The following FAAP20 variants were observed in gnomAD, a reference collection of about 807,000 sequenced individuals.
The protein encoded by FAAP20 is Fanconi anemia core complex-associated protein 20.
A neutral mutation model predicts 16.2 loss-of-function variants in FAAP20; 12 were observed. The observed-to-expected ratio is 0.74, with a 90% CI of 0.48 to 1.20. The LOEUF (loss-of-function observed/expected upper bound fraction) is 1.20. Among genes scored for constraint, FAAP20 ranks in the 50% most tolerant of loss-of-function variants. The probability of loss-of-function intolerance (pLI) is 0.00; values close to 1 mark genes in which losing one functional copy is unlikely to be tolerated. For synonymous variants in FAAP20, 141 were observed against 110.7 expected (o/e 1.27, Z -1.72); for missense variants, 288 against 245.8 (o/e 1.17, Z -1.15).
At chr1:2,204,043 G>A (rs906540346), upstream of FAAP20, among the ~76,000 whole-genome samples, 1 of 152,214 alleles carries the variant, frequency 6.6e-6, no homozygotes, top group Admixed American at 6.5e-5. Context: ...GCCTGGGAGA[G>A]CCAGCTCACA....
exon 3 of FAAP20, chr1:2,206,346 C>T (rs904485046): frequency 2.0e-5 from 3 of 152,362 alleles, no homozygotes; most frequent in African/African-American, 7.2e-5. Context: ...CTTTGCCACC[C>T]GGCGTCCTGT....
At chr1:2,208,818 AG>A (rs1689357070), downstream of FAAP20, among the ~76,000 whole-genome samples, 1 of 152,182 alleles carries the variant, frequency 6.6e-6, no homozygotes, top group Non-Finnish European at 1.5e-5. Context: ...GTGCCAGGCT[AG>A]GGGTGGGACT....
downstream of FAAP20, among the ~76,000 whole-genome samples, chr1:2,207,893 C>T (rs561034022): frequency 2.4e-3 from 361 of 148,672 alleles, 2 homozygotes; most frequent in African/African-American, 8.4e-3. Flanking sequence ...TCAGGCGGGG[C>T]CGTTTTGGTA....
downstream of FAAP20, among the ~76,000 whole-genome samples, chr1:2,210,311 C>T (rs1368546624): frequency 6.6e-6 from 1 of 152,226 alleles, no homozygotes; most frequent in Non-Finnish European, 1.5e-5. Context: ...CAGTGGGACA[C>T]CTGCTGAGGG....
chr1:2,205,408 C>G (rs1689220915), intron 3 of FAAP20, among the ~76,000 whole-genome samples: 1 of 149,840 alleles, frequency 6.7e-6, no homozygotes, highest in Non-Finnish European at 1.5e-5. Flanking sequence ...GTGAGCCCCG[C>G]GAGGGGAGCC....
chr1:2,188,997 T>C (rs1196791922), downstream of FAAP20, among the ~76,000 whole-genome samples: 328 of 91,114 alleles, frequency 3.6e-3, no homozygotes, highest in Middle Eastern at 0.028. Context: ...AGAGCGAGAC[T>C]CCGTCTCAAA....
chr1:2,194,795 C>T, upstream of FAAP20: 7 of 1,068,520 alleles, frequency 6.6e-6, no homozygotes, highest in Middle Eastern at 4.1e-4. Flanking sequence ...CGCCCCCGCC[C>T]CTCCAGGCCC....
downstream of FAAP20, among the ~76,000 whole-genome samples, chr1:2,211,892 A>AGCT (rs1461637366): frequency 7.3e-6 from 1 of 136,316 alleles, no homozygotes; most frequent in Non-Finnish European, 1.5e-5. Context: ...GCCGAGAGCA[A>AGCT]GCTGCTGCTT....
intron 3 of FAAP20, chr1:2,190,167 C>G (rs1427289379): frequency 4.1e-6 from 2 of 486,304 alleles, no homozygotes; most frequent in Admixed American, 2.3e-5. Context: ...AGAGCCGCCG[C>G]GGCTGCGTCT....
downstream of FAAP20, among the ~76,000 whole-genome samples, chr1:2,210,546 C>T (rs1105269): frequency 6.6e-6 from 1 of 151,978 alleles, no homozygotes; most frequent in Admixed American, 6.5e-5. Context: ...CCCCAGCAAC[C>T]CCCCAGGTAA....
upstream of FAAP20, chr1:2,198,633 C>A (rs549550532): frequency 5.9e-6 from 7 of 1,195,496 alleles, no homozygotes; most frequent in Non-Finnish European, 7.5e-6. Context: ...TCCCAATTTC[C>A]AAATGAGACC....
chr1:2,209,540 C>A (rs1392365057), downstream of FAAP20, among the ~76,000 whole-genome samples: 2 of 152,254 alleles, frequency 1.3e-5, no homozygotes, highest in Admixed American at 1.3e-4. Flanking sequence ...CAGGGCCCAG[C>A]CCCCTGGCCT....
chr1:2,199,411 G>A, upstream of FAAP20: 1 of 983,178 alleles, frequency 1.0e-6, no homozygotes, highest in Non-Finnish European at 1.2e-6. This position sits in a 1 kb window ranked among gnomAD's most constrained non-coding sequence, Gnocchi z 4.5. Flanking sequence ...GCCCAGCCCA[G>A]CCCAGCCCAG....
downstream of FAAP20, among the ~76,000 whole-genome samples, chr1:2,207,959 TGC>T (rs769649503): frequency 1.1e-4 from 16 of 149,742 alleles, no homozygotes; most frequent in East Asian, 3.2e-3. Flanking sequence ...TGTGTGTCCG[TGC>T]GCGCGCGCAT....
chr1:2,188,879 C>T (rs1015855179), downstream of FAAP20, among the ~76,000 whole-genome samples: 6 of 152,154 alleles, frequency 3.9e-5, no homozygotes, highest in Non-Finnish European at 7.4e-5. Context: ...GTGGCGGGCG[C>T]CTGTAGTCCC....
In FAAP20 at chr1:2,189,880, G is replaced by A. The variant is rs1350514010; in HGVS notation, c.471-99C>T. ...CGGGCCCTCTCTGCTCCTGCCGCTG[G>A]AGAGGATCCGGCTGGTCAGAAACAA... On this transcript the variant is annotated intron_variant, in intron 3 of 3. Coordinates refer to ENST00000378546, the MANE Select transcript of FAAP20 (RefSeq NM_182533.4). 7.4e-6 allele frequency: 7 copies of A among 949,304 alleles called. No homozygotes were observed. The African/African-American group carries it at 8.0e-5, about 11-fold the overall frequency. 58.8% of individuals were successfully genotyped at this position (949,304 alleles called of 1,614,324 possible). A position where few individuals can be genotyped will look rare whatever the true frequency, so the allele number is the denominator to read the frequency against.
Position 2,189,890 on chromosome 1 carries a change from G to A in FAAP20, c.471-109C>T, listed in dbSNP as rs1687983570. 6 of 895,200 alleles carry A rather than the reference G, an allele frequency of 6.7e-6. No homozygotes were observed. The East Asian group carries it at 7.7e-5, about 11-fold the overall frequency. The allele number at this position is 895,200 out of a possible 1,614,324, so 55.5% of individuals were successfully genotyped here. ...CTGCTCCTGCCGCTGGAGAGGATCCGGCTGGTCAGAAACAAGGGACGGGGC... is the reference window on the plus strand; with the variant it reads ...CTGCTCCTGCCGCTGGAGAGGATCCAGCTGGTCAGAAACAAGGGACGGGGC... On this transcript the variant is annotated intron_variant, in intron 3 of 3. Coordinates refer to ENST00000378546, the MANE Select transcript of FAAP20 (RefSeq NM_182533.4).
downstream of FAAP20, chr1:2,189,511 G>T: frequency 1.6e-6 from 1 of 613,498 alleles, no homozygotes; most frequent in South Asian, 1.8e-5. Context: ...CAGTGAATCT[G>T]CCCTAAACCA....
chr1:2,192,797 G>T, intron 3 of FAAP20: 1 of 1,129,178 alleles, frequency 8.9e-7, no homozygotes, highest in Non-Finnish European at 1.2e-6. Flanking sequence ...ATGGGATCTT[G>T]CCATGTTGCC....
Sources: gnomAD v4.1 joint callset for allele counts (sites outside exome capture counted in the v4.1 genomes callset) on GRCh38, gnomAD v4.1.1 for gene constraint, Gnocchi (gnomAD v3.1) non-coding constraint, MANE v1.5 for transcripts, NCBI Gene and HGNC (gene_info 2026-07-23, HGNC 2026-07-21) for gene names.